The following RALGAPA2 variants were observed in gnomAD, a reference collection of about 807,000 sequenced individuals.
RALGAPA2 encodes ral GTPase-activating protein subunit alpha-2.
A neutral mutation model predicts 230.4 loss-of-function variants in RALGAPA2; 139 were observed. The ratio of observed to expected loss-of-function variants is 0.60; its 90% CI spans 0.53 to 0.69. RALGAPA2 has a LOEUF of 0.69. RALGAPA2 is among the 30% of genes least tolerant of loss of function. RALGAPA2 has a pLI of 0.00. For synonymous variants in RALGAPA2, 847 were observed against 837.8 expected, an observed-to-expected ratio of 1.01 and a Z score of -0.19; for missense variants, 2,163 against 2,276.0, an observed-to-expected ratio of 0.95 and a Z score of 1.01.
chr20:20,469,766 T>C (rs1041042412), intron 37 of RALGAPA2, among the ~76,000 whole-genome samples: 1 of 152,224 alleles, frequency 6.6e-6, no homozygotes, highest in African/African-American at 2.4e-5. Context: ...TTGGAATCTT[T>C]AGTCGGCTTG....
chr20:20,641,073 C>G (rs748157976), intron 5 of RALGAPA2, among the ~76,000 whole-genome samples, 195 bp from the exon 6 acceptor site: 25 of 152,116 alleles, frequency 1.6e-4, no homozygotes, highest in Non-Finnish European at 2.9e-4. Context: ...GTTCTGGAGC[C>G]AAAGTGCCTG....
chr20:20,590,555 A>T (rs1441304724), intron 17 of RALGAPA2, among the ~76,000 whole-genome samples: 2 of 151,796 alleles, frequency 1.3e-5, no homozygotes, highest in African/African-American at 2.4e-5. Context: ...TACTAGACAC[A>T]CTTTAAGCAC....
intron 36 of RALGAPA2, among the ~76,000 whole-genome samples, chr20:20,480,749 T>C (rs557038490): frequency 6.6e-5 from 10 of 152,272 alleles, no homozygotes; most frequent in African/African-American, 2.2e-4. Flanking sequence ...TGCTCAATGG[T>C]AAATTTAATG....
intron 37 of RALGAPA2, among the ~76,000 whole-genome samples, chr20:20,439,092 G>A (rs2060677662): frequency 6.6e-6 from 1 of 152,100 alleles, no homozygotes; most frequent in Non-Finnish European, 1.5e-5. Context: ...CGGAGACTAG[G>A]AGACGTGACC....
chr20:20,411,474 G>A (rs1406630234), intron 38 of RALGAPA2, among the ~76,000 whole-genome samples: 1 of 152,062 alleles, frequency 6.6e-6, no homozygotes, highest in Admixed American at 6.6e-5. Flanking sequence ...GTTTCTAAAC[G>A]GGTTCCACAC....
chr20:20,562,333 A>G (rs1379747651), intron 23 of RALGAPA2, among the ~76,000 whole-genome samples: 1 of 152,204 alleles, frequency 6.6e-6, no homozygotes, highest in Non-Finnish European at 1.5e-5. Context: ...GTCTCCTTCC[A>G]GAGAGAAACC....
chr20:20,578,280 G>C (rs1157579974), intron 20 of RALGAPA2, among the ~76,000 whole-genome samples: 5 of 152,132 alleles, frequency 3.3e-5, no homozygotes, highest in African/African-American at 1.2e-4. Context: ...GTTCCTCAGT[G>C]AAGGAGCACT....
intron 37 of RALGAPA2, among the ~76,000 whole-genome samples, chr20:20,459,720 CAAACA>C (rs574618011): frequency 2.0e-5 from 3 of 152,252 alleles, no homozygotes; most frequent in African/African-American, 7.2e-5. Flanking sequence ...TTTTGTAAAA[CAAACA>C]AATTAACAAA....
At chr20:20,630,400 A>T (rs963891979) in intron 9 of RALGAPA2, among the ~76,000 whole-genome samples, 3 of 152,240 alleles carry the variant, frequency 2.0e-5, no homozygotes, top group African/African-American at 7.2e-5. Flanking sequence ...AAGAGACAAG[A>T]TATGAATAGT....
At chr20:20,461,083 G>C (rs1411741677) in intron 37 of RALGAPA2, among the ~76,000 whole-genome samples, 1 of 152,186 alleles carries the variant, frequency 6.6e-6, no homozygotes, top group African/African-American at 2.4e-5. Flanking sequence ...CAAAATTATA[G>C]AGCATAAGTA....
chr20:20,586,700 T>C (rs767840054), intron 18 of RALGAPA2, among the ~76,000 whole-genome samples: 4 of 152,208 alleles, frequency 2.6e-5, no homozygotes, highest in African/African-American at 9.6e-5. Flanking sequence ...AAAGGCATAA[T>C]TGCTAAACTA....
In RALGAPA2 at chr20:20,635,530, G is replaced by A. The variant is rs375853073; in HGVS notation, c.893C>T (p.Ala298Val). Residue 298 changes from alanine (A) to valine (V), a missense_variant, in exon 9 of 40, where the codon GCA becomes GTA. Ala to Val is a moderately conservative substitution (Grantham distance 64, BLOSUM62 0). Transcript: ENST00000202677. Reference protein sequence around the residue: ...NIYSTKIPYMAARVVFIKWIV... With the variant: ...NIYSTKIPYMVARVVFIKWIV... ...CCACTTAATAAAAACAACACGAGCTGCCATATATGGAATCTTTGTACTGTA... is the reference window on the plus strand; with the variant it reads ...CCACTTAATAAAAACAACACGAGCTACCATATATGGAATCTTTGTACTGTA... 97 of 1,593,060 alleles carry A rather than the reference G, an allele frequency of 6.1e-5. No individual in the cohort carries two copies. Among genetic ancestry groups the A allele is most frequent in the Middle Eastern group, 5.0e-4 (3 of 6,034 alleles).
At chr20:20,580,786 G>A (rs765134897) in intron 20 of RALGAPA2, among the ~76,000 whole-genome samples, 9 of 152,132 alleles carry the variant, frequency 5.9e-5, no homozygotes, top group Admixed American at 1.3e-4. Flanking sequence ...TAATGAGAAA[G>A]CAAATATAAA....
At chr20:20,696,962 C>A (rs996734190) in intron 1 of RALGAPA2, among the ~76,000 whole-genome samples, 1 of 152,110 alleles carries the variant, frequency 6.6e-6, no homozygotes, top group African/African-American at 2.4e-5. Flanking sequence ...TCTTGAACTC[C>A]TGGCCTCAAG....
At chr20:20,602,398 G>A (rs6046952) in intron 15 of RALGAPA2, among the ~76,000 whole-genome samples, 4,135 of 152,310 alleles carry the variant, frequency 0.027, 220 homozygotes, top group African/African-American at 0.095. Context: ...AAACATTGTA[G>A]TCTGAGATTC....
intron 36 of RALGAPA2, among the ~76,000 whole-genome samples, chr20:20,491,962 T>C (rs903126382): frequency 9.9e-5 from 15 of 152,174 alleles, no homozygotes; most frequent in African/African-American, 3.4e-4. Flanking sequence ...TCACAAATGC[T>C]GTGTATTATT....
Position 20,571,967 on chromosome 20 carries a change from T to C in RALGAPA2, c.2902-21A>G, listed in dbSNP as rs745827501. On this transcript the variant is annotated intron_variant, in intron 21 of 39. Transcript: ENST00000202677. ...CGTATCTAATTCACAAAGAGGAGAA[T>C]TTTAGGGTAGGTAACATTACGTTTA... 10 of 1,526,892 alleles carry C rather than the reference T, an allele frequency of 6.5e-6. No individual in the cohort carries two copies. The East Asian group carries it at 2.3e-4, about 35-fold the overall frequency. The allele number at this position is 1,526,892 out of a possible 1,614,324, so 94.6% of individuals were successfully genotyped here. A position where few individuals can be genotyped will look rare whatever the true frequency, so the allele number is the denominator to read the frequency against.
chr20:20,606,537 CCT>C (rs2065826508), intron 14 of RALGAPA2, among the ~76,000 whole-genome samples: 1 of 152,030 alleles, frequency 6.6e-6, no homozygotes, highest in Non-Finnish European at 1.5e-5. Flanking sequence ...CTCTTCCTTC[CCT>C]CTCTTTCCTC....
intron 30 of RALGAPA2, 95 bp downstream of exon 30, chr20:20,524,311 G>T: frequency 3.4e-6 from 5 of 1,478,844 alleles, no homozygotes; most frequent in African/African-American, 2.8e-5. Context: ...TTTCAAAAGG[G>T]CAATGACAAA....
Sources: allele counts gnomAD v4.1 joint callset (sites outside exome capture counted in the v4.1 genomes callset), GRCh38; gene constraint gnomAD v4.1.1; transcripts MANE v1.5; gene names NCBI Gene and HGNC (gene_info 2026-07-23, HGNC 2026-07-21).